Variants in PNLIPRP3 observed in about 807,000 individuals in gnomAD.
The protein encoded by PNLIPRP3 is pancreatic lipase related protein 3.
PNLIPRP3 carries 58 observed loss-of-function variants against 52.8 expected under a neutral mutation model. That is an observed-to-expected ratio of 1.10 (90% CI 0.89 to 1.37). The LOEUF (loss-of-function observed/expected upper bound fraction) is 1.37. Among genes scored for constraint, PNLIPRP3 ranks in the 40% most tolerant of loss-of-function variants. The probability of loss-of-function intolerance (pLI) is 0.00; values close to 1 mark genes in which losing one functional copy is unlikely to be tolerated. For missense variants in PNLIPRP3, 593 were observed against 561.6 expected, an observed-to-expected ratio of 1.06 and a Z score of -0.57; for synonymous variants, 192 against 185.0, an observed-to-expected ratio of 1.04 and a Z score of -0.31.
rs762787628 is a variant in PNLIPRP3, at chr10:116,471,873, T to C, written c.1166T>C (p.Ile389Thr). 8 of 1,574,022 alleles carry C rather than the reference T, an allele frequency of 5.1e-6. No homozygotes were observed. Among genetic ancestry groups the C allele is most frequent in the Non-Finnish European group, 7.0e-6 (8 of 1,144,988 alleles). The change falls in exon 10 of 12, where the codon ATT (isoleucine) becomes ACT (threonine). Residue 389 changes from isoleucine to threonine, a missense_variant. Coordinates refer to ENST00000369230, the MANE Select transcript of PNLIPRP3 (RefSeq NM_001011709.3). Reference protein sequence around the residue: ...GAVRKTGEFAIVSGKLEPGMT... With the variant: ...GAVRKTGEFATVSGKLEPGMT... ...GTTAGGAAAACTGGGGAGTTTGCCA[T>C]TGTCAGGTAGGCAGAGTGAGAAACT...
At chr10:116,462,203 T>A (rs1589987263) in intron 7 of PNLIPRP3, among the ~76,000 whole-genome samples, 1 of 152,170 alleles carries the variant, frequency 6.6e-6, no homozygotes, top group African/African-American at 2.4e-5. Context: ...TTACAATATC[T>A]ATATGGCATC....
At chr10:116,459,811 A>G (rs1846165811) in intron 5 of PNLIPRP3, among the ~76,000 whole-genome samples, 1 of 152,084 alleles carries the variant, frequency 6.6e-6, no homozygotes, top group South Asian at 2.1e-4. Context: ...TCTGTCACCC[A>G]GGCTAGAGTG....
chr10:116,432,507 C>T (rs963057400), intron 1 of PNLIPRP3, among the ~76,000 whole-genome samples: 1 of 152,034 alleles, frequency 6.6e-6, no homozygotes, highest in Non-Finnish European at 1.5e-5. Flanking sequence ...GTGAAGAAAG[C>T]ATTTAAGTAA....
At chr10:116,442,933 T>C (rs1244885039) in intron 2 of PNLIPRP3, 122 bp from the exon 3 acceptor site, 12 of 610,786 alleles carry the variant, frequency 2.0e-5, no homozygotes, top group Non-Finnish European at 2.9e-5. Flanking sequence ...AAAAATATAT[T>C]AAAGAAGGTT....
chr10:116,440,997 TTTAA>T (rs1845850351), intron 2 of PNLIPRP3, among the ~76,000 whole-genome samples: 1 of 152,224 alleles, frequency 6.6e-6, no homozygotes. Flanking sequence ...ACCTTGATAC[TTTAA>T]TTAACCCTTC....
chr10:116,447,655 G>C (rs547455889), intron 4 of PNLIPRP3, among the ~76,000 whole-genome samples: 22 of 152,278 alleles, frequency 1.4e-4, no homozygotes, highest in African/African-American at 4.8e-4. Flanking sequence ...ATAATTGAAG[G>C]CTGAGCGTGG....
At chr10:116,473,948 CAAAAAAAAA>C (rs771490177) in intron 10 of PNLIPRP3, among the ~76,000 whole-genome samples, 1 of 103,278 alleles carries the variant, frequency 9.7e-6, no homozygotes, top group South Asian at 4.1e-4. Context: ...CATATGGAAC[CAAAAAAAAA>C]AAAAAAAAAA....
At position 116,436,688 on chromosome 10, in the gene PNLIPRP3, G is replaced by A. The variant is rs369243727; in HGVS notation, c.50-23G>A. On this transcript the variant is annotated intron_variant, in intron 1 of 11. Coordinates refer to ENST00000369230, the MANE Select transcript of PNLIPRP3 (RefSeq NM_001011709.3). The stretch of plus-strand genomic sequence containing the variant: ...TCTCTAAGCCTGGTTCCTCTATACT[G>A]ACACTCCACCTTTCTGCTGCAGGAA... The A allele has an allele frequency of 1.9e-6, 3 of 1,584,902 alleles. No individual in the cohort carries two copies. In the African/African-American group the frequency reaches 4.0e-5, roughly 21 times the overall value.
chr10:116,437,362 G>A lies in PNLIPRP3; in HGVS notation c.204+497G>A, dbSNP rs1005502367. Among the ~76,000 whole-genome samples, 3 of 152,118 alleles carry A rather than the reference G, an allele frequency of 2.0e-5. No homozygotes were observed. In the South Asian group the frequency reaches 6.2e-4, roughly 32 times the overall value. The stretch of plus-strand genomic sequence containing the variant: ...CAGGGATGGAACCAGGTAACATTTT[G>A]AGGAGGACATGTATTTGAGGTGTAT... On this transcript the variant is annotated intron_variant, in intron 2 of 11. Transcript: ENST00000369230.
chr10:116,444,373 T>C lies in PNLIPRP3; in HGVS notation c.325-9T>C, dbSNP rs147581985. 2,257 of 1,597,146 alleles carry C rather than the reference T, an allele frequency of 1.4e-3. 23 individuals carry two copies. The African/African-American group carries it at 0.021, about 15-fold the overall frequency. On this transcript the variant is annotated splice_polypyrimidine_tract_variant and intron_variant, in intron 3 of 11. Transcript: ENST00000369230. ...ATTTATTTAATATTTATATAAATCTTTGTGCCAGGTGTTGCTACAGCTGGA... is the reference window on the plus strand; with the variant it reads ...ATTTATTTAATATTTATATAAATCTCTGTGCCAGGTGTTGCTACAGCTGGA...
At chr10:116,453,127 A>G (rs1173835046) in intron 4 of PNLIPRP3, among the ~76,000 whole-genome samples, 7 of 152,174 alleles carry the variant, frequency 4.6e-5, no homozygotes, top group African/African-American at 9.7e-5. Context: ...ACACCAGAAT[A>G]TGGAACATGG....
At chr10:116,446,805 T>G (rs2133125375) in intron 4 of PNLIPRP3, among the ~76,000 whole-genome samples, 1 of 152,296 alleles carries the variant, frequency 6.6e-6, no homozygotes, top group Non-Finnish European at 1.5e-5. Context: ...AGATACCTTC[T>G]TGTCTTAACT....
intron 7 of PNLIPRP3, among the ~76,000 whole-genome samples, chr10:116,465,480 A>G (rs1329134529): frequency 1.3e-5 from 2 of 152,020 alleles, no homozygotes; most frequent in African/African-American, 2.4e-5. Context: ...GCTTGCAGTG[A>G]GCCGAGATTG....
chr10:116,448,008 G>C (rs1273680027), intron 4 of PNLIPRP3, among the ~76,000 whole-genome samples: 2 of 94,040 alleles, frequency 2.1e-5, no homozygotes, highest in Non-Finnish European at 4.6e-5. Flanking sequence ...GAGAGAGAGA[G>C]AAAAGGAAGG....
At chr10:116,456,304 C>T (rs1303287518) in intron 5 of PNLIPRP3, among the ~76,000 whole-genome samples, 1 of 152,096 alleles carries the variant, frequency 6.6e-6, no homozygotes, top group Middle Eastern at 3.2e-3. Context: ...TAATTTATTA[C>T]ATGTTTCAAA....
rs571543711 is a variant in PNLIPRP3 at position 116,473,086 on chromosome 10, A to G, written c.1172+1207A>G. Among the ~76,000 whole-genome samples the G allele has an allele frequency of 2.0e-5, 3 of 152,316 alleles. No homozygotes were observed. The South Asian group carries it at 6.2e-4, about 32-fold the overall frequency. ...TGAATATGCAGTTTCTGCCTCTTTTAAGATTTGTGAGAGCGTTTCCACATC... is the reference window on the plus strand; with the variant it reads ...TGAATATGCAGTTTCTGCCTCTTTTGAGATTTGTGAGAGCGTTTCCACATC... On this transcript the variant is annotated intron_variant, in intron 10 of 11. Coordinates refer to ENST00000369230, the MANE Select transcript of PNLIPRP3 (RefSeq NM_001011709.3).
intron 4 of PNLIPRP3, among the ~76,000 whole-genome samples, chr10:116,452,954 A>G (rs2133132838): frequency 6.6e-6 from 1 of 152,342 alleles, no homozygotes; most frequent in South Asian, 2.1e-4. Flanking sequence ...ATCTGTGGGA[A>G]GGGGCTCCTG....
chr10:116,440,806 G>T (rs189094430), intron 2 of PNLIPRP3, among the ~76,000 whole-genome samples: 11 of 152,280 alleles, frequency 7.2e-5, no homozygotes, highest in Admixed American at 2.6e-4. Flanking sequence ...TGGACATGTT[G>T]CACACTTCCG....
At chr10:116,460,056 G>T (rs927360269) in intron 5 of PNLIPRP3, among the ~76,000 whole-genome samples, 1 of 152,110 alleles carries the variant, frequency 6.6e-6, no homozygotes, top group Non-Finnish European at 1.5e-5. Flanking sequence ...GTGAGCCACC[G>T]CGCCCAGCCA....
Sources: allele counts gnomAD v4.1 joint callset (sites outside exome capture counted in the v4.1 genomes callset), GRCh38; gene constraint gnomAD v4.1.1; transcripts MANE v1.5; gene names NCBI Gene and HGNC (gene_info 2026-07-23, HGNC 2026-07-21).